The following PLEKHA6 variants were observed in gnomAD, a reference collection of about 807,000 sequenced individuals.
PLEKHA6 encodes pleckstrin homology domain containing A6.
In PLEKHA6, 60 loss-of-function variants were observed where a neutral mutation model predicts 116.7. That is an observed-to-expected ratio of 0.51 (90% CI 0.42 to 0.64). The LOEUF (loss-of-function observed/expected upper bound fraction) is 0.64, where lower values mean the gene tolerates loss of function less well. Ranked by LOEUF, PLEKHA6 falls within the 30% of genes least tolerant of loss-of-function variation. PLEKHA6 has a pLI of 0.00. For missense variants in PLEKHA6, 1,338 were observed against 1,422.7 expected (o/e 0.94, Z 0.96); for synonymous variants, 489 against 556.1 (o/e 0.88, Z 1.70).
chr1:204,233,337 G>A (rs1460096638), intron 17 of PLEKHA6, among the ~76,000 whole-genome samples: 1 of 131,838 alleles, frequency 7.6e-6, no homozygotes, highest in Non-Finnish European at 1.6e-5. Flanking sequence ...CACCACACCT[G>A]GCTAATTTTT....
chr1:204,327,281 TC>T (rs763925612), intron 1 of PLEKHA6, among the ~76,000 whole-genome samples: 14 of 152,212 alleles, frequency 9.2e-5, no homozygotes, highest in Non-Finnish European at 1.8e-4. Flanking sequence ...TTCCTACCTC[TC>T]CCACCCACCT....
intron 1 of PLEKHA6, 95 bp from the exon 2 acceptor site, chr1:204,274,904 G>T: frequency 3.1e-6 from 3 of 980,270 alleles, no homozygotes; most frequent in Non-Finnish European, 3.6e-6. Context: ...ACAGGGACAG[G>T]TGATCATGTA....
At position 204,293,574 on chromosome 1, in the gene PLEKHA6, C is replaced by T. The variant is rs1398810372; in HGVS notation, c.-94-18765G>A. ...CCTTTTGCCTCAGCCTCCAATTTGGCTTAAAGTGGCACTGTTTTAGATCCT... is the reference window on the plus strand; with the variant it reads ...CCTTTTGCCTCAGCCTCCAATTTGGTTTAAAGTGGCACTGTTTTAGATCCT... On this transcript the variant is annotated intron_variant, in intron 1 of 22. Coordinates refer to ENST00000272203, the MANE Select transcript of PLEKHA6 (RefSeq NM_014935.5). Among the ~76,000 whole-genome samples the T allele has an allele frequency of 2.6e-5, 4 of 152,300 alleles. No homozygotes were observed. The East Asian group carries it at 7.7e-4, about 29-fold the overall frequency.
chr1:204,332,196 A>G (rs1264712582), intron 1 of PLEKHA6, among the ~76,000 whole-genome samples: 2 of 152,122 alleles, frequency 1.3e-5, no homozygotes, highest in African/African-American at 4.8e-5. Context: ...AATTCAGCCA[A>G]TGTGCTTGTT....
intron 1 of PLEKHA6, among the ~76,000 whole-genome samples, chr1:204,319,557 C>T (rs1180017038): frequency 1.3e-5 from 2 of 152,152 alleles, no homozygotes; most frequent in Non-Finnish European, 2.9e-5. Flanking sequence ...CCATACATCC[C>T]CTGTCCCCAC....
chr1:204,289,792 C>T (rs1187508520), intron 1 of PLEKHA6, among the ~76,000 whole-genome samples: 1 of 152,144 alleles, frequency 6.6e-6, no homozygotes, highest in African/African-American at 2.4e-5. Flanking sequence ...ATGCAAATGC[C>T]CTGCCCCTTG....
intron 1 of PLEKHA6, chr1:204,280,438 C>T: frequency 1.0e-6 from 1 of 985,376 alleles, no homozygotes; most frequent in Non-Finnish European, 1.2e-6. Flanking sequence ...CTCCTTCCAC[C>T]CACTGGGCCT....
At chr1:204,305,140 C>A (rs886478223) in intron 1 of PLEKHA6, among the ~76,000 whole-genome samples, 2 of 152,170 alleles carry the variant, frequency 1.3e-5, no homozygotes, top group Non-Finnish European at 2.9e-5. Flanking sequence ...GACATAGACC[C>A]AGTGATGCCA....
At chr1:204,242,779 A>C (rs1663016092) in intron 15 of PLEKHA6, among the ~76,000 whole-genome samples, 1 of 152,166 alleles carries the variant, frequency 6.6e-6, no homozygotes, top group Admixed American at 6.5e-5. Flanking sequence ...CACTGCTGAG[A>C]GTATCACTCA....
Position 204,261,169 on chromosome 1 carries a change from A to T in PLEKHA6, c.524+137T>A. On this transcript the variant is annotated intron_variant, in intron 7 of 22. Coordinates refer to ENST00000272203, the MANE Select transcript of PLEKHA6 (RefSeq NM_014935.5). This position sits in a 1 kb window ranked among gnomAD's most constrained non-coding sequence, Gnocchi z 4.0. ...TCACTCAGCCAGGCCTCCCGCCTGG[A>T]TGCAAGGAGACGGCTCACACATTCT... is the stretch of plus-strand genomic sequence containing the variant. 9.7e-7 allele frequency: 1 copy of T among 1,026,436 alleles called. No homozygotes were observed. The highest frequency in any genetic ancestry group is 1.5e-6 in the Non-Finnish European group (1 of 672,520). 63.6% of individuals were successfully genotyped at this position (1,026,436 alleles called of 1,614,324 possible).
At chr1:204,249,965 G>C (rs974431971) in intron 10 of PLEKHA6, among the ~76,000 whole-genome samples, 2 of 152,106 alleles carry the variant, frequency 1.3e-5, no homozygotes, top group Admixed American at 6.6e-5. Context: ...TAACTTCAAG[G>C]CCTAACTCAC....
At chr1:204,373,675 G>T (rs1207346351) in intron 1 of PLEKHA6, among the ~76,000 whole-genome samples, 2 of 152,172 alleles carry the variant, frequency 1.3e-5, no homozygotes, top group Non-Finnish European at 2.9e-5. Flanking sequence ...CCATTACAAA[G>T]AAAGCTACTA....
At chr1:204,321,608 C>T (rs775742399) in intron 1 of PLEKHA6, among the ~76,000 whole-genome samples, 10 of 151,982 alleles carry the variant, frequency 6.6e-5, no homozygotes, top group Non-Finnish European at 1.5e-4. Context: ...CTAAACCTGA[C>T]CCTACAGCCA....
intron 4 of PLEKHA6, 35 bp downstream of exon 4, chr1:204,268,173 A>T: frequency 7.4e-7 from 1 of 1,345,322 alleles, no homozygotes; most frequent in Non-Finnish European, 1.1e-6. Flanking sequence ...GAGAAGGTGG[A>T]GGCTACGGTG....
At chr1:204,264,852 C>A (rs1345195478) in intron 6 of PLEKHA6, 90 bp downstream of exon 6, 2 of 953,010 alleles carry the variant, frequency 2.1e-6, no homozygotes, top group African/African-American at 3.2e-5. Flanking sequence ...TTCCTTAGAG[C>A]GATGGCTCTT....
chr1:204,320,589 G>A (rs530904177), intron 1 of PLEKHA6: 19 of 594,180 alleles, frequency 3.2e-5, no homozygotes, highest in African/African-American at 3.2e-4. Context: ...GAAACTTTCG[G>A]TCAGCCCTGT....
intron 1 of PLEKHA6, among the ~76,000 whole-genome samples, chr1:204,289,525 C>A (rs909324326): frequency 6.6e-6 from 1 of 152,196 alleles, no homozygotes; most frequent in Admixed American, 6.5e-5. Flanking sequence ...GGGCTGCCTT[C>A]CTAGCAGCCC....
At chr1:204,339,520 G>GAGGGAAT (rs1672773554) in intron 1 of PLEKHA6, among the ~76,000 whole-genome samples, 1 of 152,178 alleles carries the variant, frequency 6.6e-6, no homozygotes, top group Non-Finnish European at 1.5e-5. Flanking sequence ...AGAGGGAGAG[G>GAGGGAAT]AGGGAATCAG....
intron 1 of PLEKHA6, among the ~76,000 whole-genome samples, chr1:204,293,112 G>C (rs1355235088): frequency 6.6e-6 from 1 of 151,882 alleles, no homozygotes; most frequent in Non-Finnish European, 1.5e-5. Flanking sequence ...AAGTTTAAGG[G>C]GCATCCAAAA....
Sources: allele counts gnomAD v4.1 joint callset (sites outside exome capture counted in the v4.1 genomes callset), GRCh38; gene constraint gnomAD v4.1.1; non-coding constraint Gnocchi (gnomAD v3.1); transcripts MANE v1.5; gene names NCBI Gene and HGNC (gene_info 2026-07-23, HGNC 2026-07-21).